EPM2A: variants seen among roughly 807,000 people sequenced by gnomAD.
EPM2A encodes laforin.
In EPM2A, 21 loss-of-function variants were observed where a neutral mutation model predicts 26.5. That is an observed-to-expected ratio of 0.79 (90% confidence interval 0.56 to 1.14). EPM2A has a LOEUF of 1.14. Ranked by LOEUF, EPM2A falls within the 50% of genes most tolerant of loss-of-function variation. The pLI, the probability that EPM2A is intolerant of heterozygous loss-of-function variation, is 0.00. For synonymous variants in EPM2A, 217 were observed against 177.6 expected, an observed-to-expected ratio of 1.22 and a Z score of -1.76; for missense variants, 458 against 440.8, an observed-to-expected ratio of 1.04 and a Z score of -0.35.
intron 2 of EPM2A, among the ~76,000 whole-genome samples, chr6:145,528,046 C>A (rs565203326): frequency 2.5e-4 from 38 of 152,234 alleles, no homozygotes; most frequent in Non-Finnish European, 4.1e-4. Context: ...TAAACTAAAG[C>A]CTAATCCAGA....
intron 1 of EPM2A, among the ~76,000 whole-genome samples, chr6:145,698,782 T>C (rs1781759687): frequency 1.3e-5 from 2 of 152,062 alleles, no homozygotes; most frequent in South Asian, 4.1e-4. Flanking sequence ...AGGACCTTAA[T>C]TAAGGTAAAA....
chr6:145,594,203 G>A (rs1389777908), intron 2 of EPM2A, among the ~76,000 whole-genome samples: 1 of 151,596 alleles, frequency 6.6e-6, no homozygotes, highest in Non-Finnish European at 1.5e-5. Context: ...AAATACCAAA[G>A]CTCACACAAG....
rs145712473 is a variant in EPM2A, at chr6:145,570,823, T to C, written c.340+64422A>G. 4.7e-3 allele frequency among the ~76,000 whole-genome samples: 711 copies of C among 152,368 alleles called. 26 individuals carry two copies. The East Asian group carries it at 0.085, about 18-fold the overall frequency. The stretch of plus-strand genomic sequence containing the variant: ...AAGAGATGCCCTAATGGATCTCCTG[T>C]ATTCCATGCATACTCTTCCTTACCT... On this transcript the variant is annotated intron_variant, in intron 2 of 3. Coordinates refer to the EPM2A transcript ENST00000450221.
chr6:145,460,009 T>C (rs962779819), intron 4 of EPM2A, among the ~76,000 whole-genome samples: 3 of 152,240 alleles, frequency 2.0e-5, no homozygotes, highest in African/African-American at 4.8e-5. Context: ...AAAATAAACA[T>C]AGAATTCCAT....
intron 2 of EPM2A, among the ~76,000 whole-genome samples, chr6:145,604,606 G>C (rs1031082121): frequency 5.9e-5 from 9 of 152,040 alleles, no homozygotes; most frequent in Non-Finnish European, 8.8e-5. Context: ...CTCCCATTTA[G>C]TTTTATTGCA....
chr6:145,631,131 A>G (rs1218402985), intron 3 of EPM2A: 1 of 151,970 alleles, frequency 6.6e-6, no homozygotes, highest in Non-Finnish European at 1.5e-5. Flanking sequence ...GCCCCACCCT[A>G]GAGGAGCCCT....
intron 2 of EPM2A, among the ~76,000 whole-genome samples, chr6:145,592,070 T>C (rs1173189244): frequency 1.3e-5 from 2 of 152,000 alleles, no homozygotes; most frequent in Non-Finnish European, 2.9e-5. Flanking sequence ...TGCAGGTTTG[T>C]TACATATGTA....
chr6:145,732,987 A>G (rs910612202), intron 1 of EPM2A, among the ~76,000 whole-genome samples: 2 of 152,208 alleles, frequency 1.3e-5, no homozygotes, highest in African/African-American at 4.8e-5. Context: ...TGGCTCCAGA[A>G]TCCTTGCTCT....
At chr6:145,488,433 T>C (rs1343768863) in intron 4 of EPM2A, among the ~76,000 whole-genome samples, 1 of 152,004 alleles carries the variant, frequency 6.6e-6, no homozygotes, top group African/African-American at 2.4e-5. Flanking sequence ...CAATTAAGAT[T>C]CTTCCTACCC....
In EPM2A at chr6:145,735,297, C is replaced by A. The variant is rs1429822328; in HGVS notation, c.202G>T (p.Ala68Ser). 6.8e-7 allele frequency: 1 copy of A among 1,478,672 alleles called. No homozygotes were observed. The highest frequency in any genetic ancestry group is 9.0e-7 in the Non-Finnish European group (1 of 1,113,062). The allele number at this position is 1,478,672 out of a possible 1,614,324, so 91.6% of individuals were successfully genotyped here. ...GCCCCGTCCTGCGCCGCCTCCTCGG[C>A]CGCCAGCTCCACCTCCCCGAGCCAC... Reference protein sequence around the residue: ...GLWLGEVELAAEEAAQDGAEP... With the variant: ...GLWLGEVELASEEAAQDGAEP... The change falls in exon 1 of 4, where the codon GCC becomes TCC. Residue 68 changes from alanine (A) to serine (S), a missense_variant. Ala to Ser is a moderately conservative substitution (Grantham distance 99, BLOSUM62 1). Coordinates refer to ENST00000367519, the MANE Select transcript of EPM2A (RefSeq NM_005670.4).
intron 4 of EPM2A, among the ~76,000 whole-genome samples, chr6:145,387,603 G>A (rs1261940408): frequency 2.0e-5 from 3 of 151,936 alleles, no homozygotes; most frequent in Non-Finnish European, 4.4e-5. Context: ...ACTGTCTGGG[G>A]GCTGTCATCC....
chr6:145,727,748 A>C (rs1776284007), intron 1 of EPM2A, among the ~76,000 whole-genome samples: 1 of 152,194 alleles, frequency 6.6e-6, no homozygotes, highest in Admixed American at 6.5e-5. Flanking sequence ...CCTACCTAAA[A>C]TCTACTCTAC....
At chr6:145,569,193 G>A (rs543819905) in intron 2 of EPM2A, among the ~76,000 whole-genome samples, 4 of 152,120 alleles carry the variant, frequency 2.6e-5, no homozygotes, top group Admixed American at 6.5e-5. Context: ...ATAATAGCCT[G>A]GATTGGTATA....
At chr6:145,473,004 G>A (rs1379831195) in intron 4 of EPM2A, among the ~76,000 whole-genome samples, 1 of 151,964 alleles carries the variant, frequency 6.6e-6, no homozygotes, top group East Asian at 1.9e-4. Context: ...AGAACATCTA[G>A]TAGCATCAAC....
chr6:145,388,456 C>G (rs1404137826), intron 4 of EPM2A, among the ~76,000 whole-genome samples: 2 of 152,086 alleles, frequency 1.3e-5, no homozygotes, highest in Non-Finnish European at 2.9e-5. Context: ...CATGTTGCCC[C>G]CTAACCCCAG....
chr6:145,416,109 G>A (rs1396919859), intron 4 of EPM2A, among the ~76,000 whole-genome samples: 1 of 152,114 alleles, frequency 6.6e-6, no homozygotes, highest in Non-Finnish European at 1.5e-5. Context: ...GAGGTCATGG[G>A]TACACTTGTC....
At position 145,646,281 on chromosome 6, in the gene EPM2A, G is replaced by A. The variant is rs1335686185; in HGVS notation, c.477-10795C>T. On this transcript the variant is annotated intron_variant, in intron 2 of 3. Coordinates refer to ENST00000367519, the MANE Select transcript of EPM2A (RefSeq NM_005670.4). ...AAACAATTCTCCTGCCTCAGCCTCC[G>A]GAGTAGCTGGGATTACAGGCACGTG... Among the ~76,000 whole-genome samples, 7 of 151,910 alleles carry A rather than the reference G, an allele frequency of 4.6e-5. 1 individual carries two copies. Among genetic ancestry groups the A allele is most frequent in the South Asian group, 4.2e-4 (2 of 4,808 alleles).
rs374345926 is a variant in EPM2A at position 145,403,509 on chromosome 6, T to C, written c.556-19412A>G. ...TTGATTTTTAGATCCCACAAATAAA[T>C]GAATCATGTGATGTCTTTCTGTCCT... On this transcript the variant is annotated intron_variant, in intron 4 of 4. Coordinates refer to the EPM2A transcript ENST00000638717. Among the ~76,000 whole-genome samples the C allele has an allele frequency of 4.0e-5, 6 of 150,798 alleles. No homozygotes were observed. In the East Asian group the frequency reaches 9.9e-4, roughly 25 times the overall value.
chr6:145,441,452 A>G (rs1257896285), intron 4 of EPM2A, among the ~76,000 whole-genome samples: 1 of 152,164 alleles, frequency 6.6e-6, no homozygotes, highest in Non-Finnish European at 1.5e-5. Flanking sequence ...TTGACTCCTC[A>G]TTACTTATGC....
Sources: gnomAD v4.1 joint callset for allele counts (sites outside exome capture counted in the v4.1 genomes callset) on GRCh38, gnomAD v4.1.1 for gene constraint, MANE v1.5 for transcripts, NCBI Gene and HGNC (gene_info 2026-07-23, HGNC 2026-07-21) for gene names.